ESR2: variants seen among roughly 807,000 people sequenced by gnomAD.
The protein encoded by ESR2 is estrogen receptor beta.
ESR2 carries 36 observed loss-of-function variants against 49.6 expected under a neutral mutation model. The observed-to-expected ratio is 0.73, with a 90% confidence interval of 0.56 to 0.96. The LOEUF is 0.96. Ranked by LOEUF, ESR2 falls within the 40% of genes least tolerant of loss-of-function variation. The pLI, the probability that ESR2 is intolerant of heterozygous loss-of-function variation, is 0.00. For synonymous variants in ESR2, 320 were observed against 266.1 expected (o/e 1.20, Z -1.97); for missense variants, 714 against 693.0 (o/e 1.03, Z -0.34).
downstream of ESR2, chr14:64,227,411 T>G (rs1567719841): frequency 2.6e-6 from 3 of 1,158,012 alleles, no homozygotes; most frequent in African/African-American, 1.5e-5. Context: ...ATAACTAACT[T>G]CAAAGTATTT....
In ESR2 at chr14:64,280,115, G is replaced by A; in HGVS notation, c.401C>T (p.Ala134Val). 11 of 1,614,104 alleles carry A rather than the reference G, an allele frequency of 6.8e-6. No individual in the cohort carries two copies. Among genetic ancestry groups the A allele is most frequent in the Non-Finnish European group, 9.3e-6 (11 of 1,179,982 alleles). ...TGAACCTGGACCAGTAACAGGGCTGGCGCAACGGTTCCCACTAACCTTCCT... is the reference window on the plus strand; with the variant it reads ...TGAACCTGGACCAGTAACAGGGCTGACGCAACGGTTCCCACTAACCTTCCT... ...LKRKVSGNRC[A>V]SPVTGPGSKR... Residue 134 changes from alanine (A) to valine (V), a missense_variant, in exon 3 of 9, where the codon GCC becomes GTC. Coordinates refer to ENST00000341099, the MANE Select transcript of ESR2 (RefSeq NM_001437.3).
chr14:64,319,146 A>G (rs1338884676), intron 1 of ESR2, among the ~76,000 whole-genome samples: 1 of 152,250 alleles, frequency 6.6e-6, no homozygotes, highest in Non-Finnish European at 1.5e-5. Flanking sequence ...ACAAAGGAAC[A>G]AGGCAATTCA....
intron 8 of ESR2, chr14:64,233,947 A>G (rs1289828682): frequency 6.5e-6 from 1 of 152,746 alleles, no homozygotes; most frequent in Non-Finnish European, 1.5e-5. Context: ...AAACCATGGC[A>G]CTAAGTAGAC....
intron 1 of ESR2, among the ~76,000 whole-genome samples, chr14:64,329,197 G>A (rs937023580): frequency 6.6e-6 from 1 of 152,086 alleles, no homozygotes. Flanking sequence ...AGAGAGAGGA[G>A]GGGTAAGTAC....
intron 1 of ESR2, among the ~76,000 whole-genome samples, chr14:64,337,041 G>A (rs555410178): frequency 2.8e-4 from 43 of 152,304 alleles, no homozygotes; most frequent in African/African-American, 1.0e-3. Flanking sequence ...GGCAGGAACA[G>A]TTCACTACGG....
chr14:64,231,155 A>T lies in ESR2; in HGVS notation c.*1982T>A, dbSNP rs971259410. ...CACCTCGGCCTCCCAAAGTGCTGGG[A>T]TTACAGGCGTGAGCCACCACATCTG... On this transcript the variant is annotated 3_prime_UTR_variant, in exon 9 of 9. Coordinates refer to ENST00000341099, the MANE Select transcript of ESR2 (RefSeq NM_001437.3). The T allele has an allele frequency of 4.6e-5, 7 of 152,138 alleles. No homozygotes were observed. The highest frequency in any genetic ancestry group is 2.6e-4 in the Admixed American group (4 of 15,270). The allele number at this position is 152,138 out of a possible 1,614,324, so 9.4% of individuals were successfully genotyped here. A position where few individuals can be genotyped will look rare whatever the true frequency, so the allele number is the denominator to read the frequency against.
chr14:64,306,215 A>G (rs1268433913), intron 1 of ESR2, among the ~76,000 whole-genome samples: 1 of 152,044 alleles, frequency 6.6e-6, no homozygotes, highest in Middle Eastern at 3.2e-3. Flanking sequence ...AAAAAAAGAA[A>G]AAAAAAAAGA....
intron 1 of ESR2, among the ~76,000 whole-genome samples, chr14:64,310,533 A>T (rs2077175819): frequency 6.7e-6 from 1 of 148,890 alleles, no homozygotes; most frequent in Non-Finnish European, 1.5e-5. Context: ...GTGCAGTAGT[A>T]CGATCTTGGC....
rs370033234 is a variant in ESR2 at position 64,234,972 on chromosome 14, C to T, written c.1404G>A (p.Ala468=). Reference sequence around the variant, plus strand: ...GAGCAGCTCCTTAGGGCGCGTACCTCGCATGCCTGACGTGGGACAGGAGCA... The same window carrying T: ...GAGCAGCTCCTTAGGGCGCGTACCTTGCATGCCTGACGTGGGACAGGAGCA... ...LLMLLSHVRH[A]SNKGMEHLLN... The change falls in exon 8 of 9, where the codon GCG becomes GCA. Residue 468 remains alanine (A), a splice_region_variant and synonymous_variant. Coordinates refer to ENST00000341099, the MANE Select transcript of ESR2 (RefSeq NM_001437.3). The T allele has an allele frequency of 6.0e-5, 97 of 1,613,946 alleles. No individual in the cohort carries two copies. Among genetic ancestry groups the T allele is most frequent in the Non-Finnish European group, 7.8e-5 (92 of 1,179,942 alleles).
Position 64,287,626 on chromosome 14 carries a change from T to C in ESR2, c.-90-4551A>G, listed in dbSNP as rs995004581. On this transcript the variant is annotated intron_variant, in intron 1 of 8. Transcript: ENST00000341099. ...GAGTTTTTCTTCCTAAGCAGAGCCATAATAAGGGGAAGAAATGATGAACTT... is the reference window on the plus strand; with the variant it reads ...GAGTTTTTCTTCCTAAGCAGAGCCACAATAAGGGGAAGAAATGATGAACTT... Among the ~76,000 whole-genome samples the C allele has an allele frequency of 2.6e-5, 4 of 152,154 alleles. No individual in the cohort carries two copies. In the East Asian group the frequency reaches 5.8e-4, roughly 22 times the overall value.
chr14:64,261,892 C>T (rs897997430), intron 4 of ESR2, among the ~76,000 whole-genome samples: 1 of 152,086 alleles, frequency 6.6e-6, no homozygotes, highest in Non-Finnish European at 1.5e-5. Context: ...GCTGGGACTA[C>T]AGGAATATGC....
chr14:64,258,435 G>A (rs941748535), intron 5 of ESR2, among the ~76,000 whole-genome samples: 6 of 152,146 alleles, frequency 3.9e-5, no homozygotes, highest in Non-Finnish European at 8.8e-5. Context: ...CCGCCTTGGA[G>A]TGAAATGGAC....
chr14:64,299,259 G>A (rs1055094502), upstream of ESR2, among the ~76,000 whole-genome samples: 1 of 151,602 alleles, frequency 6.6e-6, no homozygotes, highest in Non-Finnish European at 1.5e-5. Flanking sequence ...TTTGACTAAA[G>A]TTTTTTCTAC....
intron 1 of ESR2, among the ~76,000 whole-genome samples, chr14:64,325,302 G>C (rs1012315810): frequency 1.3e-5 from 2 of 152,150 alleles, no homozygotes; most frequent in Non-Finnish European, 2.9e-5. Context: ...TTAGTTTCTG[G>C]ACTTTTGTTG....
chr14:64,263,253 C>G (rs1252268990), intron 4 of ESR2, among the ~76,000 whole-genome samples: 1 of 152,120 alleles, frequency 6.6e-6, no homozygotes, highest in Admixed American at 6.5e-5. Context: ...ATTGACATTA[C>G]TCTATTGATA....
At chr14:64,307,690 A>G (rs1009339774) in intron 1 of ESR2, among the ~76,000 whole-genome samples, 2 of 151,650 alleles carry the variant, frequency 1.3e-5, no homozygotes, top group Non-Finnish European at 1.5e-5. Flanking sequence ...GCCCACCACC[A>G]CGCCCGGCTA....
rs1567808137 is a variant in ESR2 at position 64,331,842 on chromosome 14, A to AAAG, written c.-91+6053_-91+6055dup. Among the ~76,000 whole-genome samples, 37 of 145,960 alleles carry AAAG rather than the reference A, an allele frequency of 2.5e-4. 1 individual carries two copies. The highest frequency in any genetic ancestry group is 2.2e-4 in the Non-Finnish European group (15 of 67,552). ...CATCTCAAAAAAAAAAAAAAAAAAA[A>AAAG]AAGAATCCTTTGCACAGTCTCCTTC... is the stretch of plus-strand genomic sequence containing the variant. On this transcript the variant is annotated intron_variant, in intron 1 of 8. Coordinates refer to the ESR2 transcript ENST00000358599.
chr14:64,331,743 G>A (rs1236846674), intron 1 of ESR2, among the ~76,000 whole-genome samples: 1 of 145,882 alleles, frequency 6.9e-6, no homozygotes, highest in Non-Finnish European at 1.5e-5. Context: ...AGAATCCCTT[G>A]AACCAGGGAG....
chr14:64,270,268 C>T (rs1037656238), intron 3 of ESR2, among the ~76,000 whole-genome samples: 9 of 152,094 alleles, frequency 5.9e-5, no homozygotes, highest in Admixed American at 2.6e-4. Context: ...CAACCTGCAT[C>T]GTTTAGGGAT....
Sources: allele counts gnomAD v4.1 joint callset (sites outside exome capture counted in the v4.1 genomes callset), GRCh38; gene constraint gnomAD v4.1.1; transcripts MANE v1.5; gene names NCBI Gene and HGNC (gene_info 2026-07-23, HGNC 2026-07-21).